The following PEMT variants were observed in gnomAD, a reference collection of about 807,000 sequenced individuals.
The protein encoded by PEMT is phosphatidylethanolamine N-methyltransferase, also known as phospholipid methyltransferase.
In PEMT, 23 loss-of-function variants were observed where a neutral mutation model predicts 27.4. That is an observed-to-expected ratio of 0.84 (90% confidence interval 0.60 to 1.19). PEMT has a LOEUF of 1.19. Among genes scored for constraint, PEMT ranks in the 50% most tolerant of loss-of-function variants. The pLI, the probability that PEMT is intolerant of heterozygous loss-of-function variation, is 0.00. For synonymous variants in PEMT, 137 were observed against 139.1 expected, an observed-to-expected ratio of 0.98 and a Z score of 0.11; for missense variants, 307 against 310.1, an observed-to-expected ratio of 0.99 and a Z score of 0.07.
intron 1 of PEMT, 199 bp downstream of exon 1, chr17:17,591,332 C>G (rs1294002405): frequency 3.6e-6 from 2 of 563,252 alleles, no homozygotes; most frequent in Non-Finnish European, 6.3e-6. Context: ...CTGAGGTTTA[C>G]ACGCGCGCGC....
At chr17:17,573,888 T>C (rs954246686) in intron 2 of PEMT, among the ~76,000 whole-genome samples, 1 of 152,140 alleles carries the variant, frequency 6.6e-6, no homozygotes, top group Non-Finnish European at 1.5e-5. Context: ...TTCAAGTGAT[T>C]CTCCTACCTC....
chr17:17,577,491 G>A, intron 1 of PEMT: 1 of 1,018,044 alleles, frequency 9.8e-7, no homozygotes, highest in Non-Finnish European at 1.2e-6. Flanking sequence ...ACAATCTTGA[G>A]TGCACACGAG....
At chr17:17,570,183 C>T (rs1225962289) in intron 2 of PEMT, among the ~76,000 whole-genome samples, 2 of 152,260 alleles carry the variant, frequency 1.3e-5, no homozygotes, top group Non-Finnish European at 2.9e-5. Context: ...CTCCTTGACA[C>T]AGAAGGTCAG....
chr17:17,564,149 C>T (rs1376262645), intron 2 of PEMT, among the ~76,000 whole-genome samples: 1 of 152,204 alleles, frequency 6.6e-6, no homozygotes, highest in African/African-American at 2.4e-5. Context: ...ACAGACGCCA[C>T]CGGAAGGATG....
At chr17:17,566,215 A>G (rs1910815844) in intron 2 of PEMT, among the ~76,000 whole-genome samples, 2 of 152,250 alleles carry the variant, frequency 1.3e-5, no homozygotes, top group African/African-American at 4.8e-5. Context: ...CTGACAGTGC[A>G]GGCCTGGGGC....
chr17:17,539,951 T>C (rs1190220100), intron 2 of PEMT, among the ~76,000 whole-genome samples: 1 of 152,094 alleles, frequency 6.6e-6, no homozygotes, highest in African/African-American at 2.4e-5. Flanking sequence ...GCTCACAGCC[T>C]CCACGCAGGA....
intron 2 of PEMT, among the ~76,000 whole-genome samples, chr17:17,528,992 C>T (rs534608281): frequency 2.0e-4 from 30 of 152,374 alleles, no homozygotes; most frequent in African/African-American, 6.5e-4. Context: ...GTCCACACCG[C>T]GCATCCCAGC....
At chr17:17,551,993 G>A (rs181462275) in intron 2 of PEMT, among the ~76,000 whole-genome samples, 1 of 152,334 alleles carries the variant, frequency 6.6e-6, no homozygotes, top group African/African-American at 2.4e-5. Flanking sequence ...ACCTAGGTCA[G>A]GGGTTCGAGA....
At chr17:17,581,639 CCA>C (rs1911982250) in intron 1 of PEMT, among the ~76,000 whole-genome samples, 1 of 152,222 alleles carries the variant, frequency 6.6e-6, no homozygotes, top group African/African-American at 2.4e-5. Context: ...CAGCTGACAT[CCA>C]CCTGAGTCTC....
At chr17:17,559,085 G>A (rs560080143) in intron 2 of PEMT, among the ~76,000 whole-genome samples, 2 of 152,030 alleles carry the variant, frequency 1.3e-5, no homozygotes, top group East Asian at 1.9e-4. Context: ...AGCTTCTTAC[G>A]CTCCCCCCCA....
intron 2 of PEMT, among the ~76,000 whole-genome samples, chr17:17,534,887 C>A (rs1453968747): frequency 1.3e-5 from 2 of 150,044 alleles, no homozygotes; most frequent in Non-Finnish European, 3.0e-5. Context: ...GGTTATTCCT[C>A]TATAAGGCTA....
intron 2 of PEMT, among the ~76,000 whole-genome samples, chr17:17,539,406 T>C (rs973729272): frequency 1.3e-5 from 2 of 152,134 alleles, no homozygotes; most frequent in Admixed American, 1.3e-4. Flanking sequence ...CTGTCCTGTG[T>C]TCCATCCCGT....
At chr17:17,522,432 C>G in intron 2 of PEMT, 37 bp from the exon 3 acceptor site, 79 of 1,115,586 alleles carry the variant, frequency 7.1e-5, no homozygotes, top group Middle Eastern at 2.0e-4. Flanking sequence ...GAGATATTTC[C>G]TGGGGAGACT....
intron 2 of PEMT, among the ~76,000 whole-genome samples, chr17:17,525,909 G>A (rs981893888): frequency 3.9e-5 from 6 of 152,260 alleles, no homozygotes; most frequent in East Asian, 1.9e-4. Context: ...CAGGGGAACC[G>A]CTTGAACCCG....
chr17:17,508,724 G>A (rs1030742726), intron 5 of PEMT: 1 of 460,570 alleles, frequency 2.2e-6, no homozygotes, highest in African/African-American at 2.0e-5. Context: ...ACCCGCCGGG[G>A]GAGCACATCT....
chr17:17,513,912 C>T lies in PEMT; in HGVS notation c.321-1258G>A, dbSNP rs146617501. On this transcript the variant is annotated intron_variant, in intron 3 of 6. Coordinates refer to ENST00000255389, the MANE Select transcript of PEMT (RefSeq NM_148172.3). The surrounding 1 kb of genome is among the most constrained non-coding windows in gnomAD (Gnocchi z 4.1). ...AGAGACATGGAGATCTGCTACCTCA[C>T]GCAGGGCAGCGCCTTTCACACCCAG... Among the ~76,000 whole-genome samples the T allele has an allele frequency of 3.3e-5, 5 of 152,302 alleles. No individual in the cohort carries two copies. Among genetic ancestry groups the T allele is most frequent in the East Asian group, 3.9e-4 (2 of 5,180 alleles).
chr17:17,569,101 G>A (rs1224115313), intron 2 of PEMT, among the ~76,000 whole-genome samples: 1 of 152,218 alleles, frequency 6.6e-6, no homozygotes, highest in African/African-American at 2.4e-5. Flanking sequence ...GACTGACTTG[G>A]GTTCCAGGGA....
chr17:17,524,768 C>T (rs1907548724), intron 2 of PEMT, among the ~76,000 whole-genome samples: 1 of 152,024 alleles, frequency 6.6e-6, no homozygotes, highest in Admixed American at 6.6e-5. Context: ...CTGTAGCCAT[C>T]CTAGTGGGTG....
chr17:17,541,152 G>A (rs952136785), intron 2 of PEMT, among the ~76,000 whole-genome samples: 9 of 152,144 alleles, frequency 5.9e-5, no homozygotes, highest in South Asian at 2.1e-4. Flanking sequence ...ATTGTGCTCC[G>A]CCTGCTGCTA....
Sources: allele counts gnomAD v4.1 joint callset (sites outside exome capture counted in the v4.1 genomes callset), GRCh38; gene constraint gnomAD v4.1.1; non-coding constraint Gnocchi (gnomAD v3.1); transcripts MANE v1.5; gene names NCBI Gene and HGNC (gene_info 2026-07-23, HGNC 2026-07-21).